Variants in SLC2A13 observed in about 807,000 individuals in gnomAD.
SLC2A13 encodes proton myo-inositol cotransporter.
Under a neutral mutation model 64.4 loss-of-function variants are expected in SLC2A13, and 32 were observed. The observed-to-expected ratio is 0.50, with a 90% confidence interval of 0.37 to 0.67. The LOEUF is 0.67. Ranked by LOEUF, SLC2A13 falls within the 30% of genes least tolerant of loss-of-function variation. The pLI, the probability that SLC2A13 is intolerant of heterozygous loss-of-function variation, is 0.00. For missense variants in SLC2A13, 743 were observed against 829.2 expected (o/e 0.90, Z 1.28); for synonymous variants, 338 against 327.1 (o/e 1.03, Z -0.36).
chr12:40,039,038 T>A (rs1948038009), intron 2 of SLC2A13, among the ~76,000 whole-genome samples: 1 of 152,222 alleles, frequency 6.6e-6, no homozygotes, highest in African/African-American at 2.4e-5. Flanking sequence ...AGTATACAGC[T>A]CTACAGAATT....
chr12:39,957,726 C>T (rs956994343), intron 3 of SLC2A13, among the ~76,000 whole-genome samples: 1 of 152,214 alleles, frequency 6.6e-6, no homozygotes, highest in Non-Finnish European at 1.5e-5. Flanking sequence ...CAATCATGTT[C>T]TCACAACATT....
chr12:39,824,461 G>T (rs987105455), intron 7 of SLC2A13, among the ~76,000 whole-genome samples: 1 of 152,210 alleles, frequency 6.6e-6, no homozygotes, highest in African/African-American at 2.4e-5. Flanking sequence ...CTCAGAGCTT[G>T]GGGGATTCTT....
intron 4 of SLC2A13, among the ~76,000 whole-genome samples, chr12:39,919,585 A>G (rs1945579538): frequency 6.6e-6 from 1 of 152,118 alleles, no homozygotes; most frequent in South Asian, 2.1e-4. Context: ...GTATAGTTAT[A>G]GTAAACATGT....
At chr12:39,914,687 A>G (rs1450485395) in intron 4 of SLC2A13, among the ~76,000 whole-genome samples, 1 of 151,928 alleles carries the variant, frequency 6.6e-6, no homozygotes, top group East Asian at 1.9e-4. Flanking sequence ...TACTCATGAT[A>G]TGATACATTT....
intron 4 of SLC2A13, among the ~76,000 whole-genome samples, chr12:39,926,759 G>T (rs1945737368): frequency 6.6e-6 from 1 of 152,114 alleles, no homozygotes; most frequent in Non-Finnish European, 1.5e-5. Flanking sequence ...GAGATTACAG[G>T]CATGAGCCAC....
At chr12:39,877,987 A>G (rs1201683546) in intron 4 of SLC2A13, among the ~76,000 whole-genome samples, 1 of 152,016 alleles carries the variant, frequency 6.6e-6, no homozygotes, top group Non-Finnish European at 1.5e-5. Flanking sequence ...ACCTCCCCTG[A>G]CCCACTCTCC....
chr12:39,897,619 C>A (rs1480030149), intron 4 of SLC2A13, among the ~76,000 whole-genome samples: 2 of 152,230 alleles, frequency 1.3e-5, no homozygotes, highest in African/African-American at 2.4e-5. Context: ...CTCTTGAGCA[C>A]TAGAAATATG....
intron 6 of SLC2A13, among the ~76,000 whole-genome samples, chr12:39,847,573 C>A (rs952832768): frequency 5.3e-5 from 8 of 152,176 alleles, no homozygotes; most frequent in Admixed American, 5.2e-4. Flanking sequence ...GCCACCCTGG[C>A]CCATGTGGTG....
intron 3 of SLC2A13, among the ~76,000 whole-genome samples, chr12:39,969,244 G>A (rs1360269062): frequency 1.3e-5 from 2 of 152,130 alleles, no homozygotes; most frequent in Non-Finnish European, 2.9e-5. Flanking sequence ...ATTGTGAGTA[G>A]TGCCACAATA....
intron 7 of SLC2A13, among the ~76,000 whole-genome samples, chr12:39,792,721 A>C (rs1481765502): frequency 6.6e-6 from 1 of 151,928 alleles, no homozygotes; most frequent in African/African-American, 2.4e-5. Flanking sequence ...TGGGTTTTGC[A>C]TCCTGCAAGT....
intron 7 of SLC2A13, among the ~76,000 whole-genome samples, chr12:39,826,427 CA>C (rs1323446631): frequency 6.6e-6 from 1 of 150,424 alleles, no homozygotes; most frequent in Non-Finnish European, 1.5e-5. Flanking sequence ...ATTGTAAAAA[CA>C]GTTATATTTA....
chr12:39,762,574 G>A (rs1439454637), intron 9 of SLC2A13, among the ~76,000 whole-genome samples: 1 of 152,018 alleles, frequency 6.6e-6, no homozygotes, highest in Non-Finnish European at 1.5e-5. Flanking sequence ...AAGCAATATG[G>A]TTGAGGAAGG....
intron 1 of SLC2A13, among the ~76,000 whole-genome samples, chr12:40,100,531 AAAAT>A (rs1471205602): frequency 2.0e-5 from 3 of 152,248 alleles, no homozygotes; most frequent in South Asian, 2.1e-4. Context: ...ACAATGATAG[AAAAT>A]AAATAAAGCA....
intron 3 of SLC2A13, among the ~76,000 whole-genome samples, chr12:39,954,201 A>G (rs1946280307): frequency 6.6e-6 from 1 of 152,206 alleles, no homozygotes; most frequent in East Asian, 1.9e-4. Flanking sequence ...CCCCAGCTCA[A>G]TATCTCAAAA....
chr12:39,977,313 A>G (rs1349781104), intron 3 of SLC2A13, among the ~76,000 whole-genome samples: 1 of 152,244 alleles, frequency 6.6e-6, no homozygotes, highest in African/African-American at 2.4e-5. Context: ...CAAACCCCTC[A>G]AAGTTTCTAA....
intron 1 of SLC2A13, among the ~76,000 whole-genome samples, chr12:40,103,608 G>C (rs892097410): frequency 6.6e-6 from 1 of 152,082 alleles, no homozygotes; most frequent in Non-Finnish European, 1.5e-5. Flanking sequence ...CAAAACACTA[G>C]GAAGCTTCAT....
At chr12:39,924,673 A>T (rs979385965) in intron 4 of SLC2A13, among the ~76,000 whole-genome samples, 1 of 151,808 alleles carries the variant, frequency 6.6e-6, no homozygotes, top group East Asian at 1.9e-4. Flanking sequence ...ATTATTCTTC[A>T]TTTTTTTTCT....
At position 39,864,876 on chromosome 12, in the gene SLC2A13, G is replaced by A. The variant is rs138153837; in HGVS notation, c.1205C>T (p.Thr402Ile). Reference sequence around the variant, plus strand: ...CAAGGCAAGAATAATGAGTGCTACGGTGGTACCTTAAAAAAAAAAAGTTTT... The same window carrying A: ...CAAGGCAAGAATAATGAGTGCTACGATGGTACCTTAAAAAAAAAAAGTTTT... ...KLTFGSLAGT[T>I]VALIILALGF... The change falls in exon 6 of 10, where the codon ACC becomes ATC. Residue 402 changes from threonine (T) to isoleucine (I), a missense_variant. By Grantham distance (89) the Thr-to-Ile change is moderately conservative (BLOSUM62 -1). Around this residue, in one of 2 missense-constraint regions of SLC2A13, gnomAD observed 295 missense variants for 381.7 expected, o/e 0.77. Transcript: ENST00000280871. The A allele has an allele frequency of 4.7e-4, 763 of 1,607,308 alleles. 8 individuals are homozygous for A. The highest frequency in any genetic ancestry group is 1.1e-4 in the Non-Finnish European group (124 of 1,178,456).
chr12:39,895,517 TATA>T (rs1565525707), intron 4 of SLC2A13, among the ~76,000 whole-genome samples: 19 of 926 alleles, frequency 0.021, 1 homozygote, highest in African/African-American at 0.039. Context: ...AAAAAAATTA[TATA>T]TATATATATA....
Sources: allele counts gnomAD v4.1 joint callset (sites outside exome capture counted in the v4.1 genomes callset), GRCh38; gene constraint gnomAD v4.1.1; regional missense constraint gnomAD v4.1.1; transcripts MANE v1.5; gene names NCBI Gene and HGNC (gene_info 2026-07-23, HGNC 2026-07-21).